CYTH1: variants seen among roughly 807,000 people sequenced by gnomAD.
CYTH1 encodes the protein cytohesin-1.
CYTH1 carries 18 observed loss-of-function variants against 61.8 expected under a neutral mutation model. The observed-to-expected ratio is 0.29, with a 90% CI of 0.20 to 0.43. The LOEUF (loss-of-function observed/expected upper bound fraction) is 0.43, where lower values mean the gene tolerates loss of function less well. Among genes scored for constraint, CYTH1 ranks in the 20% least tolerant of loss-of-function variants. The pLI is 1.00. For missense variants in CYTH1, 336 were observed against 510.5 expected, an observed-to-expected ratio of 0.66 and a Z score of 3.29; for synonymous variants, 174 against 184.3, an observed-to-expected ratio of 0.94 and a Z score of 0.45.
chr17:78,760,545 G>GTA lies in CYTH1; in HGVS notation c.22+21655_22+21656dup, dbSNP rs1187374705. Among the ~76,000 whole-genome samples, 7 of 31,684 alleles carry GTA rather than the reference G, an allele frequency of 2.2e-4. 1 individual carries two copies. The highest frequency in any genetic ancestry group is 8.0e-4 in the South Asian group (1 of 1,256). The allele number at this position is 31,684 out of a possible 152,430, so 20.8% of individuals were successfully genotyped here. A position where few individuals can be genotyped will look rare whatever the true frequency, so the allele number is the denominator to read the frequency against. ...TATATATATATACATACATATATAT[G>GTA]TATATATATATGTATATATATATAC... On this transcript the variant is annotated intron_variant, in intron 1 of 13. Transcript: ENST00000446868.
chr17:78,709,093 A>T (rs569469634), intron 2 of CYTH1: 1 of 152,632 alleles, frequency 6.6e-6, no homozygotes, highest in East Asian at 1.9e-4. Context: ...AGGAACTTGG[A>T]AAAATTGTAA....
chr17:78,718,451 C>T (rs1410134051), intron 1 of CYTH1, among the ~76,000 whole-genome samples: 2 of 152,176 alleles, frequency 1.3e-5, no homozygotes, highest in African/African-American at 4.8e-5. Flanking sequence ...GTTCCTCCAA[C>T]CTCCAAAGAT....
chr17:78,756,092 T>TG (rs1262968086), intron 1 of CYTH1, among the ~76,000 whole-genome samples: 1 of 150,874 alleles, frequency 6.6e-6, no homozygotes, highest in Admixed American at 6.6e-5. Context: ...TTTTTTTTTT[T>TG]TGAGACAGAG....
chr17:78,702,227 A>G lies in CYTH1; in HGVS notation c.251T>C (p.Leu84Ser). The change falls in exon 5 of 14, where the codon TTA becomes TCA. Residue 84 changes from leucine (L) to serine (S), a missense_variant. This residue lies in a region of CYTH1 where 112 missense variants were observed against 127.1 expected (regional missense o/e 0.88). Transcript: ENST00000446868. ...GTTCTTCAGGAGGTCGTTCTCTATT[A>G]AGAACTGGATCCCCTAGAAAAAGAC... ...NMDPKKGIQF[L>S]IENDLLKNTC... 1 of 1,613,830 alleles carries G rather than the reference A, an allele frequency of 6.2e-7. No individual in the cohort carries two copies. Among genetic ancestry groups the G allele is most frequent in the Non-Finnish European group, 8.5e-7 (1 of 1,179,742 alleles).
At chr17:78,759,084 C>A (rs942304091) in intron 1 of CYTH1, among the ~76,000 whole-genome samples, 2 of 152,168 alleles carry the variant, frequency 1.3e-5, no homozygotes, top group African/African-American at 4.8e-5. Context: ...GCCTGGTCAA[C>A]AGAGTGAGAT....
At position 78,692,562 on chromosome 17, in the gene CYTH1, C is replaced by T. The variant is rs1043799516; in HGVS notation, c.815-69G>A. 1.2e-4 allele frequency: 166 copies of T among 1,440,940 alleles called. No individual in the cohort carries two copies. The African/African-American group carries it at 1.7e-3, about 15-fold the overall frequency. The allele number at this position is 1,440,940 out of a possible 1,614,324, so 89.3% of individuals were successfully genotyped here. On this transcript the variant is annotated intron_variant, in intron 10 of 13. Transcript: ENST00000446868. ...ACAAGTGCAGGCTCCACGACACACA[C>T]GACACCCTCTCTTCTCAGAGAGGGT...
intron 1 of CYTH1, among the ~76,000 whole-genome samples, chr17:78,755,247 C>T (rs901100565): frequency 3.9e-5 from 6 of 152,282 alleles, no homozygotes; most frequent in South Asian, 2.1e-4. Flanking sequence ...GCAATCTCAG[C>T]TCACTGCAGC....
At chr17:78,726,790 A>T (rs982587109) in intron 1 of CYTH1, among the ~76,000 whole-genome samples, 4 of 152,162 alleles carry the variant, frequency 2.6e-5, no homozygotes, top group African/African-American at 9.7e-5. Context: ...AAGAAGCGGC[A>T]GCCAGGCGCC....
intron 1 of CYTH1, among the ~76,000 whole-genome samples, chr17:78,759,861 TG>T (rs2093415167): frequency 6.6e-6 from 1 of 152,216 alleles, no homozygotes; most frequent in Non-Finnish European, 1.5e-5. Context: ...CTGTGTGATG[TG>T]ACCTTGGAGA....
chr17:78,750,977 T>C (rs1567874629), intron 1 of CYTH1, among the ~76,000 whole-genome samples: 1 of 152,048 alleles, frequency 6.6e-6, no homozygotes, highest in Non-Finnish European at 1.5e-5. Flanking sequence ...TTATTTAATA[T>C]ATATTGTTGT....
chr17:78,759,529 A>G (rs939411709), intron 1 of CYTH1, among the ~76,000 whole-genome samples: 11 of 152,240 alleles, frequency 7.2e-5, no homozygotes, highest in African/African-American at 2.7e-4. Context: ...TGGGGAAGCT[A>G]AAGTGGGTAG....
chr17:78,698,576 GA>G (rs2092971979), intron 8 of CYTH1, among the ~76,000 whole-genome samples, 196 bp from the exon 9 acceptor site: 1 of 152,062 alleles, frequency 6.6e-6, no homozygotes, highest in African/African-American at 2.4e-5. Flanking sequence ...TCCCAATTAG[GA>G]AAATAAAGAA....
At chr17:78,741,577 A>G (rs1366807239) in intron 1 of CYTH1, among the ~76,000 whole-genome samples, 2 of 152,148 alleles carry the variant, frequency 1.3e-5, no homozygotes, top group Non-Finnish European at 2.9e-5. Flanking sequence ...CCAAGGAGTA[A>G]TAAAGCCCCC....
chr17:78,692,842 C>T (rs1318094616), intron 10 of CYTH1, among the ~76,000 whole-genome samples: 1 of 151,864 alleles, frequency 6.6e-6, no homozygotes, highest in Non-Finnish European at 1.5e-5. Context: ...TAGAAATTGC[C>T]AAAGAACAGA....
chr17:78,707,538 G>A (rs1418281731), intron 3 of CYTH1, among the ~76,000 whole-genome samples: 1 of 152,128 alleles, frequency 6.6e-6, no homozygotes, highest in Admixed American at 6.5e-5. Flanking sequence ...CGTATCAGCA[G>A]CATTCATTAA....
chr17:78,681,148 C>G, intron 11 of CYTH1, 106 bp from the exon 12 acceptor site: 1 of 1,096,114 alleles, frequency 9.1e-7, no homozygotes, highest in Non-Finnish European at 1.4e-6. Flanking sequence ...TCTCCCAGGA[C>G]ATGAAGTTCA....
chr17:78,761,358 T>C (rs1312487908), intron 1 of CYTH1, among the ~76,000 whole-genome samples: 1 of 152,154 alleles, frequency 6.6e-6, no homozygotes. Flanking sequence ...TATTTTTGTG[T>C]TAAAATCAAT....
intron 3 of CYTH1, among the ~76,000 whole-genome samples, chr17:78,706,638 A>T (rs928113059): frequency 6.6e-6 from 1 of 152,236 alleles, no homozygotes. Context: ...TCTCTTAAGT[A>T]ACTAGGAGTT....
chr17:78,757,047 A>C (rs775401062), intron 1 of CYTH1, among the ~76,000 whole-genome samples: 1 of 130,204 alleles, frequency 7.7e-6, no homozygotes, highest in Non-Finnish European at 1.5e-5. Flanking sequence ...TCCTGGGTTC[A>C]CGCCATTCTC....
Sources: gnomAD v4.1 joint callset for allele counts (sites outside exome capture counted in the v4.1 genomes callset) on GRCh38, gnomAD v4.1.1 for gene constraint, gnomAD v4.1.1 regional missense constraint, MANE v1.5 for transcripts, NCBI Gene and HGNC (gene_info 2026-07-23, HGNC 2026-07-21) for gene names.